ADK: variants seen among roughly 807,000 people sequenced by gnomAD.
The protein encoded by ADK is N6,N6-dimethyladenosine kinase.
A neutral mutation model predicts 44.7 loss-of-function variants in ADK; 24 were observed. That is an observed-to-expected ratio of 0.54 (90% CI 0.39 to 0.76). The LOEUF (loss-of-function observed/expected upper bound fraction) is 0.76. Ranked by LOEUF, ADK falls within the 30% of genes least tolerant of loss-of-function variation. The probability of loss-of-function intolerance (pLI) is 0.00; values close to 1 mark genes in which losing one functional copy is unlikely to be tolerated. For synonymous variants in ADK, 128 were observed against 142.6 expected, an observed-to-expected ratio of 0.90 and a Z score of 0.73; for missense variants, 321 against 425.1, an observed-to-expected ratio of 0.76 and a Z score of 2.15.
intron 6 of ADK, among the ~76,000 whole-genome samples, chr10:74,486,777 G>A (rs975016054): frequency 6.6e-6 from 1 of 152,086 alleles, no homozygotes; most frequent in Non-Finnish European, 1.5e-5. Flanking sequence ...TTACCTCTCA[G>A]AATTATGGTG....
intron 3 of ADK, among the ~76,000 whole-genome samples, chr10:74,311,776 T>G (rs919574884): frequency 1.3e-5 from 2 of 152,180 alleles, no homozygotes; most frequent in Non-Finnish European, 2.9e-5. Flanking sequence ...TATGAAACTT[T>G]GAGAGATACT....
At chr10:74,329,031 A>C (rs545257589) in intron 4 of ADK, among the ~76,000 whole-genome samples, 99 of 149,500 alleles carry the variant, frequency 6.6e-4, no homozygotes, top group African/African-American at 2.3e-3. Flanking sequence ...CATTGTGTAC[A>C]TGTACCCTAG....
At chr10:74,519,685 G>C (rs17746699) in intron 6 of ADK, among the ~76,000 whole-genome samples, 2,224 of 151,948 alleles carry the variant, frequency 0.015, 17 homozygotes, top group Non-Finnish European at 0.023. Flanking sequence ...AGTTACTAGA[G>C]AGGAATATTT....
At chr10:74,518,818 C>T (rs1848697519) in intron 6 of ADK, among the ~76,000 whole-genome samples, 1 of 152,042 alleles carries the variant, frequency 6.6e-6, no homozygotes, top group African/African-American at 2.4e-5. Context: ...TGTTTATTCC[C>T]TTATAATCTT....
At chr10:74,302,090 G>GGT (rs1840055915) in intron 3 of ADK, among the ~76,000 whole-genome samples, 2 of 17,032 alleles carry the variant, frequency 1.2e-4, no homozygotes, top group African/African-American at 5.1e-4. Flanking sequence ...TTTCTTTTCT[G>GGT]TTTTTTTTTT....
chr10:74,443,420 T>G (rs1845491047), intron 6 of ADK, among the ~76,000 whole-genome samples: 1 of 152,178 alleles, frequency 6.6e-6, no homozygotes, highest in South Asian at 2.1e-4. Flanking sequence ...TTTAAAACAT[T>G]GTGCTAAGTG....
intron 4 of ADK, among the ~76,000 whole-genome samples, chr10:74,373,007 T>C (rs991868324): frequency 6.6e-6 from 1 of 152,116 alleles, no homozygotes; most frequent in Non-Finnish European, 1.5e-5. Context: ...TGGTATAGAA[T>C]TGAGAACAGA....
At chr10:74,551,293 A>G (rs1589240284) in intron 7 of ADK, 1 of 152,230 alleles carries the variant, frequency 6.6e-6, no homozygotes, top group East Asian at 1.9e-4. Context: ...AAATAGAACA[A>G]TAACACCTCT....
At position 74,633,806 on chromosome 10, in the gene ADK, T is replaced by A. The variant is rs114849014; in HGVS notation, c.877+33313T>A. Among the ~76,000 whole-genome samples, 717 of 152,336 alleles carry A rather than the reference T, an allele frequency of 4.7e-3. 4 individuals carry two copies. Among genetic ancestry groups the A allele is most frequent in the African/African-American group, 0.017 (691 of 41,574 alleles). ...TGAGTACATTTCCTATTTTTATGAC[T>A]CTTTCTCTAGGGCCAGCCCAAGTTG... On this transcript the variant is annotated intron_variant, in intron 9 of 10. Transcript: ENST00000539909.
In ADK at chr10:74,356,009, T is replaced by A. The variant is rs1473384223; in HGVS notation, c.274-38132T>A. ...TATTTCACTAAATAATTCATTTTTT[T>A]TTTTTTTTTTTTTTTTTTTTGAGAC... On this transcript the variant is annotated intron_variant, in intron 4 of 10. Transcript: ENST00000539909. Among the ~76,000 whole-genome samples, 80 of 127,916 alleles carry A rather than the reference T, an allele frequency of 6.3e-4. 8 individuals are homozygous for A. In the South Asian group the frequency reaches 0.011, roughly 17 times the overall value. The allele number at this position is 127,916 out of a possible 152,430, so 83.9% of individuals were successfully genotyped here.
chr10:74,354,718 T>A (rs1172280998), intron 4 of ADK, among the ~76,000 whole-genome samples: 2 of 152,212 alleles, frequency 1.3e-5, no homozygotes, highest in Non-Finnish European at 2.9e-5. Flanking sequence ...GGGCAAATGA[T>A]TCAGCTGACT....
intron 3 of ADK, among the ~76,000 whole-genome samples, chr10:74,288,511 G>A (rs941469850): frequency 2.0e-5 from 3 of 152,006 alleles, no homozygotes; most frequent in Non-Finnish European, 2.9e-5. Context: ...TTAGCCAGGC[G>A]TGGTGGCGGG....
In ADK at chr10:74,407,000, T is replaced by C. The variant is rs76210449; in HGVS notation, c.555+8421T>C. Among the ~76,000 whole-genome samples the C allele has an allele frequency of 5.1e-3, 764 of 151,114 alleles. 7 individuals are homozygous for C. The highest frequency in any genetic ancestry group is 0.018 in the African/African-American group (734 of 41,172). On this transcript the variant is annotated intron_variant, in intron 6 of 10. Coordinates refer to ENST00000539909, the MANE Select transcript of ADK (RefSeq NM_006721.4). ...GGCCTCTTTCTTTTTTTTTTTTTTT[T>C]CAGACAAGTTCTCGTTCCGTCGCCC...
At chr10:74,231,508 C>A (rs1053403908) in intron 3 of ADK, among the ~76,000 whole-genome samples, 1 of 151,128 alleles carries the variant, frequency 6.6e-6, no homozygotes, top group African/African-American at 2.4e-5. Context: ...AACTCTGTTG[C>A]CCAGGTTGGA....
chr10:74,424,535 C>CAAAAAAAAAAAAAAAAA (rs57106986), intron 6 of ADK, among the ~76,000 whole-genome samples: 17 of 58,460 alleles, frequency 2.9e-4, no homozygotes, highest in African/African-American at 1.1e-3. Context: ...AACTCCGTCT[C>CAAAAAAAAAAAAAAAAA]AAAAAAAAAA....
intron 6 of ADK, among the ~76,000 whole-genome samples, chr10:74,449,710 A>G (rs906378940): frequency 1.3e-5 from 2 of 152,184 alleles, no homozygotes; most frequent in Admixed American, 1.3e-4. Flanking sequence ...GAAGTGGAAC[A>G]TGGATGATGC....
At chr10:74,550,022 G>A (rs1404605970) in intron 7 of ADK, among the ~76,000 whole-genome samples, 1 of 151,970 alleles carries the variant, frequency 6.6e-6, no homozygotes, top group Non-Finnish European at 1.5e-5. Flanking sequence ...TTGCAGTCAG[G>A]GAGCTTTGAT....
At chr10:74,206,300 A>C (rs1464566809) in intron 2 of ADK, among the ~76,000 whole-genome samples, 1 of 152,236 alleles carries the variant, frequency 6.6e-6, no homozygotes, top group Non-Finnish European at 1.5e-5. Flanking sequence ...GAAGAAAGAT[A>C]AGATTGGAAG....
intron 4 of ADK, among the ~76,000 whole-genome samples, chr10:74,348,393 C>T (rs1249922075): frequency 3.3e-5 from 5 of 152,112 alleles, no homozygotes; most frequent in Non-Finnish European, 7.4e-5. Flanking sequence ...AACTCAACAT[C>T]AACAAAAAGG....
Sources: gnomAD v4.1 joint callset for allele counts (sites outside exome capture counted in the v4.1 genomes callset) on GRCh38, gnomAD v4.1.1 for gene constraint, MANE v1.5 for transcripts, NCBI Gene and HGNC (gene_info 2026-07-23, HGNC 2026-07-21) for gene names.